The following ALG1L2 variants were observed in gnomAD, a reference collection of about 807,000 sequenced individuals.
ALG1L2 encodes the protein putative glycosyltransferase ALG1L2.
In ALG1L2, 32 loss-of-function variants were observed where a neutral mutation model predicts 29.0. That is an observed-to-expected ratio of 1.10 (90% confidence interval 0.83 to 1.48). The LOEUF (loss-of-function observed/expected upper bound fraction) is 1.48, where lower values mean the gene tolerates loss of function less well. ALG1L2 is among the 40% of genes most tolerant of loss of function. ALG1L2 has a pLI of 0.00. For synonymous variants in ALG1L2, 110 were observed against 109.5 expected (o/e 1.00, Z -0.03); for missense variants, 318 against 274.1 (o/e 1.16, Z -1.13).
At chr3:130,098,134 G>A (rs563381508) in intron 7 of ALG1L2, 89 bp from the exon 8 acceptor site, 1 of 1,553,850 alleles carries the variant, frequency 6.4e-7, no homozygotes, top group African/African-American at 1.3e-5. Context: ...ACTTGGGAGG[G>A]GTTGTTGTTG....
At chr3:130,090,905 C>T (rs1216171118) in intron 1 of ALG1L2, 2 of 258,784 alleles carry the variant, frequency 7.7e-6, no homozygotes, top group South Asian at 9.3e-5. Flanking sequence ...TTTAGCGACA[C>T]CCACAGGAGC....
At chr3:130,082,361 A>T (rs1297872142) in intron 1 of ALG1L2, among the ~76,000 whole-genome samples, 4 of 84,326 alleles carry the variant, frequency 4.7e-5, no homozygotes, top group Non-Finnish European at 5.6e-5. Flanking sequence ...TTTTGTTTTG[A>T]GAAAGAGTCT....
chr3:130,082,683 G>A (rs80028987), intron 1 of ALG1L2, among the ~76,000 whole-genome samples: 2 of 146,000 alleles, frequency 1.4e-5, no homozygotes, highest in African/African-American at 4.9e-5. Context: ...AATAGAACAC[G>A]TGCGTGGGCA....
chr3:130,082,886 G>T (rs1357428430), intron 1 of ALG1L2, among the ~76,000 whole-genome samples: 3 of 143,274 alleles, frequency 2.1e-5, no homozygotes, highest in East Asian at 2.0e-4. Context: ...GCACCAAGAG[G>T]TTGCACTTTC....
chr3:130,095,381 C>G (rs569519339), intron 5 of ALG1L2, among the ~76,000 whole-genome samples: 35 of 150,586 alleles, frequency 2.3e-4, no homozygotes, highest in Admixed American at 6.0e-4. Context: ...TTCACACTGA[C>G]AGCTGGTTTG....
intron 7 of ALG1L2, 112 bp downstream of exon 7, chr3:130,097,362 C>T (rs1459636504): frequency 4.7e-5 from 70 of 1,476,472 alleles, no homozygotes; most frequent in African/African-American, 9.8e-5. Context: ...CGGGGTCTGG[C>T]GGAAAAGCTA....
At chr3:130,091,975 T>A (rs1935024620) in intron 2 of ALG1L2, 126 bp from the exon 3 acceptor site, 2 of 1,481,882 alleles carry the variant, frequency 1.3e-6, no homozygotes, top group African/African-American at 1.4e-5. Flanking sequence ...GGTGGCCTGG[T>A]GCTGCTGATG....
intron 1 of ALG1L2, among the ~76,000 whole-genome samples, chr3:130,088,470 T>C (rs1192846174): frequency 1.3e-5 from 2 of 152,298 alleles, no homozygotes; most frequent in East Asian, 1.9e-4. Context: ...CAGGCTGGAG[T>C]GCAGTGGCTT....
At chr3:130,097,271 G>A (rs761229823) in intron 7 of ALG1L2, 21 bp downstream of exon 7, 64 of 1,603,740 alleles carry the variant, frequency 4.0e-5, no homozygotes, top group Admixed American at 3.5e-4. Context: ...CTGCCACCAC[G>A]CCAGGGTGGA....
At chr3:130,082,135 C>G in intron 1 of ALG1L2, 99 bp downstream of exon 1, 2 of 1,373,346 alleles carry the variant, frequency 1.5e-6, no homozygotes, top group South Asian at 1.3e-5. Context: ...AATCAGGGTA[C>G]AGGCAGTCCT....
chr3:130,095,822 C>CA (rs1364789628), intron 5 of ALG1L2, among the ~76,000 whole-genome samples: 2 of 152,008 alleles, frequency 1.3e-5, no homozygotes, highest in East Asian at 1.9e-4. Flanking sequence ...AACAAAACAA[C>CA]AAAAAAATCA....
chr3:130,083,657 A>ATT (rs1934831862), intron 1 of ALG1L2, among the ~76,000 whole-genome samples: 3 of 16,628 alleles, frequency 1.8e-4, no homozygotes, highest in African/African-American at 4.1e-4. Context: ...TAAAATGTTA[A>ATT]CTTTTTTTTT....
intron 7 of ALG1L2, among the ~76,000 whole-genome samples, chr3:130,097,686 G>A (rs1309646859): frequency 6.6e-6 from 1 of 152,188 alleles, no homozygotes; most frequent in African/African-American, 2.4e-5. Flanking sequence ...TTCAGTAAAG[G>A]TCCAGGTCAG....
intron 4 of ALG1L2, chr3:130,094,059 G>A: frequency 3.0e-6 from 1 of 331,368 alleles, no homozygotes; most frequent in Non-Finnish European, 5.8e-6. Context: ...CTGTGCCAGG[G>A]CAGAGGGAGT....
At chr3:130,084,069 C>T (rs1349751284) in intron 1 of ALG1L2, among the ~76,000 whole-genome samples, 25 of 151,144 alleles carry the variant, frequency 1.7e-4, no homozygotes, top group Admixed American at 4.6e-4. Flanking sequence ...GGGAGGAGGG[C>T]GAGCAGCAAT....
intron 7 of ALG1L2, among the ~76,000 whole-genome samples, chr3:130,097,830 C>A (rs143950068): frequency 0.096 from 14,649 of 152,060 alleles, 781 homozygotes; most frequent in East Asian, 0.17. Flanking sequence ...CAAACACAGG[C>A]TGTGGGCTGG....
intron 6 of ALG1L2, among the ~76,000 whole-genome samples, 175 bp from the exon 7 acceptor site, chr3:130,097,000 C>T (rs544314212): frequency 3.9e-4 from 59 of 152,302 alleles, no homozygotes; most frequent in Non-Finnish European, 6.0e-4. Context: ...TGCACCCCCC[C>T]CAGGCTTTTA....
intron 1 of ALG1L2, among the ~76,000 whole-genome samples, chr3:130,088,224 C>G (rs1934935114): frequency 6.6e-6 from 1 of 152,288 alleles, no homozygotes; most frequent in East Asian, 1.9e-4. Flanking sequence ...CCTCAGTGGC[C>G]AATATGCATT....
chr3:130,091,778 C>T lies in ALG1L2; in HGVS notation c.132-323C>T, dbSNP rs1935019158. On this transcript the variant is annotated intron_variant, in intron 2 of 7. Coordinates refer to ENST00000425059, the MANE Select transcript of ALG1L2 (RefSeq NM_001136152.1). ...GGAACTTTGTGCAGGTCCACATACC[C>T]TGAGGTGTGCCCCTGGGTAAGCTGG... 34 of 610,080 alleles carry T rather than the reference C, an allele frequency of 5.6e-5. 1 individual carries two copies. The highest frequency in any genetic ancestry group is 4.6e-4 in the South Asian group (30 of 65,566). 37.8% of individuals were successfully genotyped at this position (610,080 alleles called of 1,614,324 possible). A position where few individuals can be genotyped will look rare whatever the true frequency, so the allele number is the denominator to read the frequency against.
Sources: gnomAD v4.1 joint callset for allele counts (sites outside exome capture counted in the v4.1 genomes callset) on GRCh38, gnomAD v4.1.1 for gene constraint, MANE v1.5 for transcripts, NCBI Gene and HGNC (gene_info 2026-07-23, HGNC 2026-07-21) for gene names.